The following SETBP1 variants were observed in gnomAD, a reference collection of about 807,000 sequenced individuals.
SETBP1 encodes SET-binding protein.
A neutral mutation model predicts 101.0 loss-of-function variants in SETBP1; 9 were observed. The ratio of observed to expected loss-of-function variants is 0.09; its 90% CI spans 0.05 to 0.16. The LOEUF is 0.16. Among genes scored for constraint, SETBP1 ranks in the 10% least tolerant of loss-of-function variants. The pLI is 1.00. For missense variants in SETBP1, 1,858 were observed against 2,033.8 expected, an observed-to-expected ratio of 0.91 and a Z score of 1.66; for synonymous variants, 818 against 788.5, an observed-to-expected ratio of 1.04 and a Z score of -0.63.
chr18:44,909,168 A>G (rs1432818350), intron 3 of SETBP1, among the ~76,000 whole-genome samples: 1 of 152,188 alleles, frequency 6.6e-6, no homozygotes, highest in Non-Finnish European at 1.5e-5. Flanking sequence ...GAGCAATTGA[A>G]AGGAAGGATG....
At chr18:44,985,251 T>TA (rs560401119) in intron 4 of SETBP1, among the ~76,000 whole-genome samples, 19 of 149,494 alleles carry the variant, frequency 1.3e-4, no homozygotes, top group East Asian at 1.9e-4. Flanking sequence ...AAGAAAGTCT[T>TA]AAAAAAAAAA....
chr18:45,034,431 T>G (rs1336241787), intron 4 of SETBP1, among the ~76,000 whole-genome samples: 1 of 152,122 alleles, frequency 6.6e-6, no homozygotes, highest in African/African-American at 2.4e-5. Context: ...GCAAACACGG[T>G]GTGCAGGTAG....
intron 2 of SETBP1, among the ~76,000 whole-genome samples, chr18:44,714,691 G>T (rs1038496360): frequency 1.3e-5 from 2 of 151,718 alleles, no homozygotes; most frequent in Non-Finnish European, 1.5e-5. Context: ...CTTAATTCTA[G>T]AAGTACCTAC....
At chr18:44,749,458 G>A (rs972775639) in intron 2 of SETBP1, among the ~76,000 whole-genome samples, 10 of 152,084 alleles carry the variant, frequency 6.6e-5, no homozygotes, top group African/African-American at 1.2e-4. Flanking sequence ...ATTCTTTTTC[G>A]GGAGAAAGGC....
chr18:44,840,849 G>A (rs1253095617), intron 2 of SETBP1, among the ~76,000 whole-genome samples: 1 of 152,162 alleles, frequency 6.6e-6, no homozygotes, highest in Non-Finnish European at 1.5e-5. Flanking sequence ...CATGCCCAGG[G>A]ACTCACTTTC....
At chr18:45,023,699 G>T (rs537161505) in intron 4 of SETBP1, among the ~76,000 whole-genome samples, 1 of 152,192 alleles carries the variant, frequency 6.6e-6, no homozygotes, top group African/African-American at 2.4e-5. Flanking sequence ...CAACCCTCCA[G>T]TCAGGCATTT....
At chr18:44,910,229 A>AT in intron 3 of SETBP1, among the ~76,000 whole-genome samples, 1 of 152,306 alleles carries the variant, frequency 6.6e-6, no homozygotes, top group South Asian at 2.1e-4. Context: ...TGATGTAACC[A>AT]TCATACACAT....
chr18:44,767,611 G>T (rs2070786057), intron 2 of SETBP1, among the ~76,000 whole-genome samples: 1 of 152,220 alleles, frequency 6.6e-6, no homozygotes, highest in Non-Finnish European at 1.5e-5. Flanking sequence ...TGCATTAAAT[G>T]TGATATGCGT....
At chr18:44,861,157 C>G (rs950594567) in intron 2 of SETBP1, among the ~76,000 whole-genome samples, 2 of 152,054 alleles carry the variant, frequency 1.3e-5, no homozygotes, top group African/African-American at 2.4e-5. Context: ...TCCCCAAGGC[C>G]CTTCCATGAA....
At chr18:44,810,145 C>G (rs181264662) in intron 2 of SETBP1, among the ~76,000 whole-genome samples, 2 of 152,320 alleles carry the variant, frequency 1.3e-5, no homozygotes, top group African/African-American at 2.4e-5. Flanking sequence ...TACCTTTCCT[C>G]TCTTCCCAAC....
At chr18:44,837,490 A>T (rs2072523038) in intron 2 of SETBP1, among the ~76,000 whole-genome samples, 1 of 152,254 alleles carries the variant, frequency 6.6e-6, no homozygotes, top group African/African-American at 2.4e-5. Flanking sequence ...ATACAGGACT[A>T]TTGAATGTTC....
intron 2 of SETBP1, among the ~76,000 whole-genome samples, chr18:44,833,256 G>C (rs1278795092): frequency 6.6e-6 from 1 of 152,216 alleles, no homozygotes; most frequent in South Asian, 2.1e-4. Flanking sequence ...ACATGTTCAA[G>C]TTTACTTTTA....
At chr18:44,826,791 T>C (rs2072249231) in intron 2 of SETBP1, among the ~76,000 whole-genome samples, 1 of 152,122 alleles carries the variant, frequency 6.6e-6, no homozygotes, top group African/African-American at 2.4e-5. Context: ...AACCAAGGAA[T>C]GATTCCAACC....
intron 2 of SETBP1, among the ~76,000 whole-genome samples, chr18:44,809,098 GA>G (rs2071807351): frequency 6.6e-6 from 1 of 152,184 alleles, no homozygotes; most frequent in South Asian, 2.1e-4. Flanking sequence ...GGTCAACAGA[GA>G]AAACAGAGCA....
At chr18:44,777,370 C>G (rs867903285) in intron 2 of SETBP1, among the ~76,000 whole-genome samples, 8 of 152,350 alleles carry the variant, frequency 5.3e-5, no homozygotes, top group African/African-American at 1.9e-4. Flanking sequence ...CAGTCTTTCT[C>G]TGAAACTCAG....
At chr18:44,813,259 A>G (rs977620920) in intron 2 of SETBP1, among the ~76,000 whole-genome samples, 4 of 152,188 alleles carry the variant, frequency 2.6e-5, no homozygotes, top group Non-Finnish European at 4.4e-5. Flanking sequence ...AAGATACCCT[A>G]TGGTGATGGC....
At chr18:44,993,897 C>T (rs748303351) in intron 4 of SETBP1, among the ~76,000 whole-genome samples, 6 of 152,146 alleles carry the variant, frequency 3.9e-5, no homozygotes, top group Non-Finnish European at 8.8e-5. Context: ...ACATTATTAA[C>T]TGTGATAGTT....
intron 3 of SETBP1, among the ~76,000 whole-genome samples, chr18:44,930,278 G>A (rs1168989271): frequency 1.3e-5 from 2 of 152,208 alleles, no homozygotes; most frequent in Non-Finnish European, 2.9e-5. Context: ...GCATCCCAGG[G>A]ATGAAGCCAA....
intron 1 of SETBP1, among the ~76,000 whole-genome samples, chr18:44,699,408 G>A (rs1018368421): frequency 3.3e-5 from 5 of 152,112 alleles, no homozygotes; most frequent in African/African-American, 9.7e-5. Flanking sequence ...AGAGGCCTCC[G>A]TAAAGTCAAC....
Sources: gnomAD v4.1 joint callset for allele counts (sites outside exome capture counted in the v4.1 genomes callset) on GRCh38, gnomAD v4.1.1 for gene constraint, MANE v1.5 for transcripts, NCBI Gene and HGNC (gene_info 2026-07-23, HGNC 2026-07-21) for gene names.